BTLA: variants seen among roughly 807,000 people sequenced by gnomAD.
BTLA encodes B and T lymphocyte associated.
In BTLA, 11 loss-of-function variants were observed where a neutral mutation model predicts 25.0. The observed-to-expected ratio is 0.44, with a 90% CI of 0.28 to 0.73. The LOEUF (loss-of-function observed/expected upper bound fraction) is 0.73. Among genes scored for constraint, BTLA ranks in the 30% least tolerant of loss-of-function variants. BTLA has a pLI of 0.15. For missense variants in BTLA, 282 were observed against 332.8 expected (o/e 0.85, Z 1.19); for synonymous variants, 104 against 119.8 (o/e 0.87, Z 0.86).
At chr3:112,481,035 A>G (rs894866028) in intron 1 of BTLA, among the ~76,000 whole-genome samples, 2 of 152,264 alleles carry the variant, frequency 1.3e-5, no homozygotes, top group African/African-American at 4.8e-5. Flanking sequence ...TAGGACAGAT[A>G]TAAGATAGAT....
At chr3:112,478,020 T>A (rs914404202) in intron 2 of BTLA, among the ~76,000 whole-genome samples, 2 of 137,522 alleles carry the variant, frequency 1.5e-5, no homozygotes, top group Non-Finnish European at 3.3e-5. Context: ...TTTTTTTTTT[T>A]AACTGTCATT....
chr3:112,475,004 T>C (rs79869954), intron 2 of BTLA, among the ~76,000 whole-genome samples: 3,315 of 152,194 alleles, frequency 0.022, 92 homozygotes, highest in East Asian at 0.072. Flanking sequence ...TATGAGGTAA[T>C]TTAAGTGTAT....
At chr3:112,471,652 T>A (rs946152537) in intron 2 of BTLA, among the ~76,000 whole-genome samples, 1 of 152,238 alleles carries the variant, frequency 6.6e-6, no homozygotes, top group Admixed American at 6.5e-5. Context: ...TAAGCCTTTC[T>A]ATTTACAGTA....
chr3:112,487,217 T>C (rs185697448), intron 1 of BTLA, among the ~76,000 whole-genome samples: 24 of 152,346 alleles, frequency 1.6e-4, no homozygotes, highest in Non-Finnish European at 2.5e-4. Context: ...ATTTAGAACT[T>C]AGACCAAAAA....
chr3:112,478,156 T>A (rs191499222), intron 2 of BTLA, among the ~76,000 whole-genome samples: 1 of 152,056 alleles, frequency 6.6e-6, no homozygotes, highest in Non-Finnish European at 1.5e-5. Context: ...ATTTCTGCAA[T>A]AGCAACAAAA....
intron 1 of BTLA, among the ~76,000 whole-genome samples, chr3:112,485,219 A>G (rs897223293): frequency 6.6e-6 from 1 of 151,504 alleles, no homozygotes; most frequent in Non-Finnish European, 1.5e-5. Context: ...TAATTTTTGT[A>G]TTTTTAGTAG....
intron 1 of BTLA, among the ~76,000 whole-genome samples, chr3:112,491,807 G>A (rs756604840): frequency 9.3e-5 from 14 of 151,266 alleles, no homozygotes; most frequent in Non-Finnish European, 2.1e-4. Flanking sequence ...AGAAGACTCT[G>A]CTGTGAAAAA....
At position 112,465,985 on chromosome 3, in the gene BTLA, A is replaced by G; in HGVS notation, c.*123T>C. The G allele has an allele frequency of 8.6e-7, 1 of 1,157,458 alleles. No homozygotes were observed. The highest frequency in any genetic ancestry group is 1.2e-6 in the Non-Finnish European group (1 of 827,936). The allele number at this position is 1,157,458 out of a possible 1,614,324, so 71.7% of individuals were successfully genotyped here. A position where few individuals can be genotyped will look rare whatever the true frequency, so the allele number is the denominator to read the frequency against. Reference sequence around the variant, plus strand: ...ATGGACCCTTAAGACCCAAGCACTAACATGAACATTTCTAAAGTAAAAATT... The same window carrying G: ...ATGGACCCTTAAGACCCAAGCACTAGCATGAACATTTCTAAAGTAAAAATT... On this transcript the variant is annotated 3_prime_UTR_variant, in exon 5 of 5. Coordinates refer to ENST00000334529, the MANE Select transcript of BTLA (RefSeq NM_181780.4).
At chr3:112,493,913 C>A (rs991671811) in intron 1 of BTLA, among the ~76,000 whole-genome samples, 1 of 152,146 alleles carries the variant, frequency 6.6e-6, no homozygotes, top group African/African-American at 2.4e-5. Context: ...GAGATCAAGA[C>A]CATCCTGACT....
chr3:112,488,701 C>T (rs1192588349), intron 1 of BTLA, among the ~76,000 whole-genome samples: 2 of 152,172 alleles, frequency 1.3e-5, no homozygotes, highest in African/African-American at 4.8e-5. Flanking sequence ...GCAACCTCCA[C>T]CCACCGGGTT....
chr3:112,472,643 G>C (rs1299278202), intron 2 of BTLA, among the ~76,000 whole-genome samples: 1 of 152,248 alleles, frequency 6.6e-6, no homozygotes, highest in Non-Finnish European at 1.5e-5. Context: ...TCGGTGAACC[G>C]AGATGGTACC....
chr3:112,471,205 A>G lies in BTLA; in HGVS notation c.547+7T>C. 4.3e-6 allele frequency: 7 copies of G among 1,613,654 alleles called. No individual in the cohort carries two copies. The highest frequency in any genetic ancestry group is 5.9e-6 in the Non-Finnish European group (7 of 1,179,752). On this transcript the variant is annotated splice_region_variant and intron_variant, in intron 3 of 4. Transcript: ENST00000334529. ...GGTACTGGGGGCAGAGGGAAAATAG[A>G]ACCCACCTTGGTGCCTTCTCAGGCA...
Position 112,499,407 on chromosome 3 carries a change from C to T in BTLA, c.-49G>A. 6.4e-7 allele frequency: 1 copy of T among 1,554,092 alleles called. No individual in the cohort carries two copies. Among genetic ancestry groups the T allele is most frequent in the African/African-American group, 1.4e-5 (1 of 73,058 alleles). On this transcript the variant is annotated 5_prime_UTR_variant, in exon 1 of 5. Transcript: ENST00000334529. ...AAAACTGCTCAAGTAGAAGGCTTTG[C>T]TTCGTCTTCTGAGTGCTGCAGAGTT...
intron 1 of BTLA, among the ~76,000 whole-genome samples, chr3:112,486,158 C>T (rs1362020907): frequency 6.6e-6 from 1 of 152,034 alleles, no homozygotes; most frequent in African/African-American, 2.4e-5. Flanking sequence ...CTTCTACTCC[C>T]CCCCAGGCTC....
Position 112,466,105 on chromosome 3 carries a change from G to A in BTLA, c.*3C>T, listed in dbSNP as rs762249928. ...ATGGTCCCTGTTGGAGTCAGAAACA[G>A]ACTTAACTCCTCACACATATGGATG... On this transcript the variant is annotated 3_prime_UTR_variant, in exon 5 of 5. Transcript: ENST00000334529. 6.3e-7 allele frequency: 1 copy of A among 1,582,898 alleles called. No individual in the cohort carries two copies. Among genetic ancestry groups the A allele is most frequent in the Non-Finnish European group, 8.6e-7 (1 of 1,157,214 alleles).
chr3:112,471,991 T>C (rs1002685342), intron 2 of BTLA, among the ~76,000 whole-genome samples: 1 of 152,184 alleles, frequency 6.6e-6, no homozygotes, highest in Non-Finnish European at 1.5e-5. Flanking sequence ...AACAATTTAG[T>C]ATGTCACAAA....
intron 2 of BTLA, among the ~76,000 whole-genome samples, chr3:112,475,172 G>T (rs2082282420): frequency 6.6e-6 from 1 of 152,298 alleles, no homozygotes; most frequent in African/African-American, 2.4e-5. Flanking sequence ...GGAGAGACAA[G>T]AGTAGGAAGC....
chr3:112,473,773 C>T (rs1013850572), intron 2 of BTLA, among the ~76,000 whole-genome samples: 5 of 151,916 alleles, frequency 3.3e-5, no homozygotes, highest in Admixed American at 2.6e-4. Flanking sequence ...TCCCACCGTG[C>T]CCAGTTTATT....
At chr3:112,486,814 A>T (rs4519670) in intron 1 of BTLA, among the ~76,000 whole-genome samples, 116,518 of 152,228 alleles carry the variant, frequency 0.77, 49,865 homozygotes, top group Non-Finnish European at 0.96. Flanking sequence ...TATCCTTTTC[A>T]CTGTTTTAAA....
Sources: allele counts gnomAD v4.1 joint callset (sites outside exome capture counted in the v4.1 genomes callset), GRCh38; gene constraint gnomAD v4.1.1; transcripts MANE v1.5; gene names NCBI Gene and HGNC (gene_info 2026-07-23, HGNC 2026-07-21).